Variants in OTUD5 observed in about 807,000 individuals in gnomAD.
OTUD5 encodes OTU domain-containing protein 5.
In OTUD5, 2 loss-of-function variants were observed where a neutral mutation model predicts 36.3. The observed-to-expected ratio is 0.06, with a 90% CI of 0.02 to 0.17. The LOEUF is 0.17. OTUD5 is among the 10% of genes least tolerant of loss of function. The pLI is 1.00. For missense variants in OTUD5, 233 were observed against 512.3 expected, an observed-to-expected ratio of 0.45 and a Z score of 5.26; for synonymous variants, 234 against 214.9, an observed-to-expected ratio of 1.09 and a Z score of -0.78.
intron 1 of OTUD5, among the ~76,000 whole-genome samples, chrX:48,954,066 A>G (rs782228165): frequency 9.0e-6 from 1 of 111,365 alleles, no homozygotes; most frequent in South Asian, 3.8e-4. Flanking sequence ...TGGGGACAGA[A>G]AGCCTCTCCT....
intron 5 of OTUD5, 142 bp downstream of exon 5, chrX:48,934,320 ATT>A (rs10715761): frequency 0.012 from 4,210 of 359,029 alleles, no homozygotes; most frequent in South Asian, 0.015. Context: ...GTAACTCCCT[ATT>A]TTTTTTTTTT....
At chrX:48,924,192 C>T (rs1028274006) in intron 6 of OTUD5, 140 bp from the exon 7 acceptor site, 4 of 544,464 alleles carry the variant, frequency 7.3e-6, no homozygotes, top group Admixed American at 6.3e-5. Context: ...CCCACTCACA[C>T]GGTGGACCAC....
Position 48,944,321 on chromosome X carries a change from C to T in OTUD5, c.595-38G>A, listed in dbSNP as rs782636234. 5 of 940,719 alleles carry T rather than the reference C, an allele frequency of 5.3e-6. No homozygotes were observed. In the South Asian group the frequency reaches 8.1e-5, roughly 15 times the overall value. 77.5% of individuals were successfully genotyped at this position (940,719 alleles called of 1,213,427 possible). A position where few individuals can be genotyped will look rare whatever the true frequency, so the allele number is the denominator to read the frequency against. On this transcript the variant is annotated intron_variant, in intron 1 of 8. Coordinates refer to ENST00000376488, the MANE Select transcript of OTUD5 (RefSeq NM_001136157.2). ...GGTGGGGGTCAGCAACAGGGAAAAC[C>T]TGTACTCCCTCCCCAGGGCCCCGAC...
In OTUD5 at chrX:48,922,812, CCT is replaced by C. The variant is rs1208146946; in HGVS notation, c.*360_*361del. 1.3e-6 allele frequency: 1 copy of C among 790,680 alleles called. No homozygotes were observed. The allele number at this position is 790,680 out of a possible 1,213,427, so 65.2% of individuals were successfully genotyped here. On this transcript the variant is annotated 3_prime_UTR_variant, in exon 9 of 9. Transcript: ENST00000376488. ...AAGGAATGAGGGGCAGGGAGACTTT[CCT>C]CTGTCTGAATGTCTCTCTCCTCTGG...
intron 2 of OTUD5, among the ~76,000 whole-genome samples, chrX:48,942,299 TACACACACACACACACACAC>T (rs61325018): frequency 7.3e-5 from 4 of 55,018 alleles, no homozygotes; most frequent in Non-Finnish European, 1.4e-4. Flanking sequence ...GCTAGCTAGA[TACACACACACACACACACAC>T]ACACACACAC....
At chrX:48,946,567 G>A (rs3027488) in intron 1 of OTUD5, among the ~76,000 whole-genome samples, 5,674 of 112,003 alleles carry the variant, frequency 0.051, 130 homozygotes, top group Non-Finnish European at 0.073. Flanking sequence ...CCCTTAATGA[G>A]CTTCCATGCG....
At chrX:48,940,290 G>A (rs1277071728) in intron 2 of OTUD5, 1 of 113,940 alleles carries the variant, frequency 8.8e-6, no homozygotes, top group Non-Finnish European at 1.9e-5. Flanking sequence ...GGGAGAGGCT[G>A]AAGGAAGCTG....
intron 1 of OTUD5, among the ~76,000 whole-genome samples, chrX:48,949,895 T>C (rs1557053367): frequency 9.1e-6 from 1 of 109,983 alleles, no homozygotes; most frequent in East Asian, 2.9e-4. Context: ...ATGCCTGTAA[T>C]CCCAGCACTT....
intron 5 of OTUD5, among the ~76,000 whole-genome samples, chrX:48,927,157 A>T (rs1181568924): frequency 1.8e-5 from 2 of 111,952 alleles, no homozygotes; most frequent in Non-Finnish European, 3.8e-5. Context: ...CAAGCCAATT[A>T]AAAAAATAGT....
intron 2 of OTUD5, among the ~76,000 whole-genome samples, chrX:48,941,862 C>T (rs1328315962): frequency 8.9e-6 from 1 of 111,888 alleles, no homozygotes; most frequent in Non-Finnish European, 1.9e-5. Flanking sequence ...GTATTATGCA[C>T]TCTGCACCAA....
chrX:48,934,358 GA>G, intron 5 of OTUD5, 105 bp downstream of exon 5: 1 of 615,827 alleles, frequency 1.6e-6, no homozygotes. Context: ...GACCTCAGGG[GA>G]GAGAGGAGAC....
chrX:48,955,878 A>G (rs1446413746), intron 1 of OTUD5, among the ~76,000 whole-genome samples: 1 of 111,757 alleles, frequency 8.9e-6, no homozygotes, highest in African/African-American at 3.3e-5. Flanking sequence ...AGCCTTGAGA[A>G]GAAGGATCTC....
At chrX:48,926,263 A>G (rs901579426) in intron 5 of OTUD5, among the ~76,000 whole-genome samples, 2 of 111,198 alleles carry the variant, frequency 1.8e-5, no homozygotes, top group African/African-American at 6.5e-5. Flanking sequence ...CCAAACTCCT[A>G]TGCTTGTAAG....
intron 5 of OTUD5, among the ~76,000 whole-genome samples, chrX:48,926,325 G>A (rs1204812863): frequency 2.0e-5 from 2 of 100,865 alleles, no homozygotes; most frequent in African/African-American, 7.3e-5. Context: ...GACTGGAGCA[G>A]TCAGGTGCCT....
At chrX:48,938,700 A>C (rs1158107484) in intron 2 of OTUD5, among the ~76,000 whole-genome samples, 1 of 110,485 alleles carries the variant, frequency 9.1e-6, no homozygotes, top group African/African-American at 3.3e-5. Context: ...GTCTCAAAAA[A>C]AAAAAAAAGA....
chrX:48,938,821 G>A (rs781990946), intron 2 of OTUD5, among the ~76,000 whole-genome samples: 33 of 111,932 alleles, frequency 2.9e-4, no homozygotes, highest in South Asian at 7.4e-4. Context: ...CTGTGGAGGG[G>A]TCTGAGGTTG....
chrX:48,926,604 C>T (rs1338446291), intron 5 of OTUD5, among the ~76,000 whole-genome samples: 6 of 111,697 alleles, frequency 5.4e-5, no homozygotes, highest in Admixed American at 2.9e-4. Context: ...CCACCCGACT[C>T]GGCCTCCCAA....
rs1367598545 is a variant in OTUD5, at chrX:48,923,151, G to A, written c.*23C>T. On this transcript the variant is annotated 3_prime_UTR_variant, in exon 9 of 9. Transcript: ENST00000376488. ...AGCAGGAGTACTGGGGTTGGGAGAT[G>A]GTGTCCAATCCCTGGGTCTCCATCA... 2 of 1,210,266 alleles carry A rather than the reference G, an allele frequency of 1.7e-6. No individual in the cohort carries two copies. Among genetic ancestry groups the A allele is most frequent in the African/African-American group, 3.5e-5 (2 of 57,621 alleles).
intron 2 of OTUD5, among the ~76,000 whole-genome samples, chrX:48,942,419 A>G (rs782637653): frequency 8.2e-5 from 9 of 110,204 alleles, no homozygotes; most frequent in Non-Finnish European, 1.1e-4. Flanking sequence ...CCCAAGACTC[A>G]GATGCCCGCT....
Sources: gnomAD v4.1 joint callset for allele counts (sites outside exome capture counted in the v4.1 genomes callset) on GRCh38, gnomAD v4.1.1 for gene constraint, MANE v1.5 for transcripts, NCBI Gene and HGNC (gene_info 2026-07-23, HGNC 2026-07-21) for gene names.